Variants in TMEM260 observed in about 807,000 individuals in gnomAD.
TMEM260 encodes the protein protein O-mannosyl-transferase TMEM260.
In TMEM260, 82 loss-of-function variants were observed where a neutral mutation model predicts 88.9. The observed-to-expected ratio is 0.92, with a 90% CI of 0.77 to 1.11. The LOEUF is 1.11. Among genes scored for constraint, TMEM260 ranks in the 50% least tolerant of loss-of-function variants. The pLI is 0.00. For synonymous variants in TMEM260, 314 were observed against 309.3 expected (o/e 1.02, Z -0.16); for missense variants, 902 against 853.4 (o/e 1.06, Z -0.71).
At chr14:56,612,453 A>G in intron 7 of TMEM260, 168 bp downstream of exon 7, 2 of 631,954 alleles carry the variant, frequency 3.2e-6, no homozygotes, top group Non-Finnish European at 2.8e-6. Flanking sequence ...CTCAGTATCC[A>G]TGGGGTATTG....
intron 3 of TMEM260, among the ~76,000 whole-genome samples, chr14:56,600,689 TAGGATG>T (rs540538822): frequency 6.4e-4 from 97 of 152,218 alleles, no homozygotes; most frequent in African/African-American, 2.2e-3. Flanking sequence ...ACGTGCTCAC[TAGGATG>T]TGGAAAAATC....
chr14:56,622,835 CAG>C, intron 11 of TMEM260, among the ~76,000 whole-genome samples: 1 of 152,240 alleles, frequency 6.6e-6, no homozygotes, highest in East Asian at 1.9e-4. Flanking sequence ...ACTTTATAAA[CAG>C]ATTTGTAAAT....
the TMEM260 span, among the ~76,000 whole-genome samples, chr14:56,656,695 G>A: frequency 1.3e-5 from 2 of 151,936 alleles, no homozygotes; most frequent in African/African-American, 4.8e-5. Flanking sequence ...GTTTAAAAAC[G>A]TCTTTACTAA....
intron 5 of TMEM260, among the ~76,000 whole-genome samples, chr14:56,608,781 G>A (rs2139565830): frequency 6.6e-6 from 1 of 152,266 alleles, no homozygotes; most frequent in South Asian, 2.1e-4. Context: ...CTTCCAGGCA[G>A]GTTATCTTAG....
intron 12 of TMEM260, among the ~76,000 whole-genome samples, chr14:56,630,820 G>A (rs1215226009): frequency 1.3e-5 from 2 of 152,038 alleles, no homozygotes; most frequent in South Asian, 2.1e-4. Flanking sequence ...TGACTTTTTG[G>A]TCTGTTTGTT....
At chr14:56,640,744 G>T (rs1889526983) in intron 15 of TMEM260, among the ~76,000 whole-genome samples, 1 of 152,096 alleles carries the variant, frequency 6.6e-6, no homozygotes, top group South Asian at 2.1e-4. Flanking sequence ...TAAAAACCTT[G>T]AAAAAAATTA....
chr14:56,617,153 T>C, intron 8 of TMEM260, 30 bp from the exon 9 acceptor site: 1 of 1,329,244 alleles, frequency 7.5e-7, no homozygotes, highest in Non-Finnish European at 1.0e-6. Context: ...TATCTAAATA[T>C]TTTAGACATA....
chr14:56,644,777 A>G (rs1376052547), intron 15 of TMEM260, among the ~76,000 whole-genome samples: 1 of 152,230 alleles, frequency 6.6e-6, no homozygotes, highest in Non-Finnish European at 1.5e-5. Context: ...TCCAGAATCT[A>G]CAATGAACTC....
At chr14:56,651,858 C>A, downstream of TMEM260, among the ~76,000 whole-genome samples, 1 of 152,184 alleles carries the variant, frequency 6.6e-6, no homozygotes, top group Non-Finnish European at 1.5e-5. Flanking sequence ...TCATTAAGTT[C>A]ATAAACGTTG....
rs764574288 is a variant in TMEM260 at position 56,596,784 on chromosome 14, T to TAA, written c.345-7021_345-7020dup. ...CTCTGTCTCAAAAAAAAAAAAAAAT[T>TAA]AAAAAAAAAAATATATATATATACA... On this transcript the variant is annotated intron_variant, in intron 3 of 15. Coordinates refer to ENST00000261556, the MANE Select transcript of TMEM260 (RefSeq NM_017799.4). 3.0e-3 allele frequency among the ~76,000 whole-genome samples: 347 copies of TAA among 114,276 alleles called. 3 individuals carry two copies. The highest frequency in any genetic ancestry group is 0.017 in the African/African-American group (301 of 18,152). The allele number at this position is 114,276 out of a possible 152,430, so 75.0% of individuals were successfully genotyped here. A position where few individuals can be genotyped will look rare whatever the true frequency, so the allele number is the denominator to read the frequency against.
intron 6 of TMEM260, 124 bp from the exon 7 acceptor site, chr14:56,612,121 C>T (rs188024011): frequency 2.1e-4 from 198 of 929,380 alleles, no homozygotes; most frequent in Admixed American, 5.7e-4. Context: ...AGAGGTACCC[C>T]GAAACCTAAA....
At position 56,617,250 on chromosome 14, in the gene TMEM260, G is replaced by A; in HGVS notation, c.1009G>A (p.Ala337Thr). ...GTTTTGCATTTATTCATTGTTCTTT[G>A]CTTGGAGAGCAAATTTAGATATTTC... is the stretch of plus-strand genomic sequence containing the variant. ...GMFCIYSLFF[A>T]WRANLDISKP... Residue 337 changes from alanine to threonine, a missense_variant, in exon 9 of 16, where the codon GCT becomes ACT. Ala to Thr is a moderately conservative substitution (Grantham distance 58). Coordinates refer to ENST00000261556, the MANE Select transcript of TMEM260 (RefSeq NM_017799.4). The A allele has an allele frequency of 6.2e-7, 1 of 1,602,516 alleles. No individual in the cohort carries two copies. Among genetic ancestry groups the A allele is most frequent in the Non-Finnish European group, 8.5e-7 (1 of 1,175,364 alleles).
chr14:56,636,759 A>C (rs1461311472), intron 15 of TMEM260, among the ~76,000 whole-genome samples, 161 bp downstream of exon 15: 3 of 152,188 alleles, frequency 2.0e-5, no homozygotes, highest in African/African-American at 7.2e-5. Context: ...CCTCAGTTGT[A>C]TCACAGTATC....
intron 14 of TMEM260, among the ~76,000 whole-genome samples, chr14:56,635,974 A>ATGTT (rs1889029780): frequency 6.6e-6 from 1 of 152,092 alleles, no homozygotes; most frequent in Admixed American, 6.5e-5. Flanking sequence ...GATATACCAT[A>ATGTT]TGTTTGCATA....
chr14:56,635,516 G>A (rs1396443952), intron 14 of TMEM260, among the ~76,000 whole-genome samples: 1 of 152,174 alleles, frequency 6.6e-6, no homozygotes, highest in Non-Finnish European at 1.5e-5. Flanking sequence ...ATACTTTCCT[G>A]TAGTTCAGAG....
At chr14:56,612,365 C>T (rs2139575813) in intron 7 of TMEM260, 80 bp downstream of exon 7, 2 of 1,220,930 alleles carry the variant, frequency 1.6e-6, no homozygotes. Flanking sequence ...TTTCTGAGTT[C>T]ATCTCTTTGT....
Position 56,647,757 on chromosome 14 carries a change from T to C in TMEM260, c.*260T>C. 6.9e-6 allele frequency: 3 copies of C among 435,252 alleles called. No homozygotes were observed. The South Asian group carries it at 8.7e-5, about 13-fold the overall frequency. 27.0% of individuals were successfully genotyped at this position (435,252 alleles called of 1,614,324 possible). The stretch of plus-strand genomic sequence containing the variant: ...TTGAAAAGTCTTCTGACTTCCAGTC[T>C]TTCACCAGATGACTGCACTGGATTA... On this transcript the variant is annotated 3_prime_UTR_variant, in exon 16 of 16. Coordinates refer to ENST00000261556, the MANE Select transcript of TMEM260 (RefSeq NM_017799.4).
chr14:56,596,794 A>AAAAAAAAAT (rs59623466), intron 3 of TMEM260, among the ~76,000 whole-genome samples: 23 of 136,290 alleles, frequency 1.7e-4, no homozygotes, highest in African/African-American at 6.4e-4. Flanking sequence ...TAAAAAAAAA[A>AAAAAAAAAT]ATATATATAT....
intron 12 of TMEM260, among the ~76,000 whole-genome samples, chr14:56,628,232 TGTGA>T (rs1888358190): frequency 1.3e-5 from 2 of 152,184 alleles, no homozygotes; most frequent in African/African-American, 2.4e-5. Context: ...CAGGTTTGTG[TGTGA>T]GTATGTTTTC....
Sources: allele counts gnomAD v4.1 joint callset (sites outside exome capture counted in the v4.1 genomes callset), GRCh38; gene constraint gnomAD v4.1.1; transcripts MANE v1.5; gene names NCBI Gene and HGNC (gene_info 2026-07-23, HGNC 2026-07-21).